Variants in CDH13 observed in about 807,000 individuals in gnomAD.
The protein encoded by CDH13 is cadherin 13.
CDH13 carries 24 observed loss-of-function variants against 63.8 expected under a neutral mutation model. That is an observed-to-expected ratio of 0.38 (90% CI 0.27 to 0.53). The LOEUF is 0.53. Ranked by LOEUF, CDH13 falls within the 20% of genes least tolerant of loss-of-function variation. The probability of loss-of-function intolerance (pLI) is 0.85; values close to 1 mark genes in which losing one functional copy is unlikely to be tolerated. For synonymous variants in CDH13, 503 were observed against 355.3 expected (o/e 1.42, Z -4.67); for missense variants, 1,049 against 903.1 (o/e 1.16, Z -2.07).
At chr16:83,794,940 C>T in intron 13 of CDH13, 83 bp from the exon 14 acceptor site, 3 of 1,278,572 alleles carry the variant, frequency 2.3e-6, no homozygotes, top group Non-Finnish European at 3.3e-6. Context: ...TATACCTTGC[C>T]TGTCATTTTT....
intron 6 of CDH13, among the ~76,000 whole-genome samples, chr16:83,396,425 C>G (rs1276727345): frequency 6.6e-6 from 1 of 152,176 alleles, no homozygotes. Flanking sequence ...CCTCTCACTT[C>G]CAGGAGATTT....
chr16:83,563,690 A>C (rs1362881974), intron 7 of CDH13, among the ~76,000 whole-genome samples: 2 of 152,160 alleles, frequency 1.3e-5, no homozygotes, highest in Non-Finnish European at 2.9e-5. Flanking sequence ...TGTTTGTGTA[A>C]GAACACATAC....
intron 3 of CDH13, among the ~76,000 whole-genome samples, chr16:83,095,900 G>A (rs780089742): frequency 1.4e-4 from 22 of 152,306 alleles, no homozygotes; most frequent in South Asian, 6.2e-4. Flanking sequence ...ATATTCGTAA[G>A]TACAGAGAAA....
intron 3 of CDH13, among the ~76,000 whole-genome samples, chr16:83,093,764 G>A (rs1567822893): frequency 6.6e-6 from 1 of 152,244 alleles, no homozygotes; most frequent in East Asian, 1.9e-4. Flanking sequence ...CTTTGTCCAA[G>A]GAATTCTTCC....
intron 2 of CDH13, among the ~76,000 whole-genome samples, chr16:82,903,199 G>A (rs2041526541): frequency 6.6e-6 from 1 of 152,176 alleles, no homozygotes; most frequent in Non-Finnish European, 1.5e-5. Context: ...ATTCAAACAT[G>A]GTGTCAGAAA....
At chr16:82,878,081 A>G (rs2040568545) in intron 2 of CDH13, among the ~76,000 whole-genome samples, 1 of 152,078 alleles carries the variant, frequency 6.6e-6, no homozygotes, top group Admixed American at 6.6e-5. Flanking sequence ...GTCTTCCCAT[A>G]TCATAATGGC....
intron 6 of CDH13, among the ~76,000 whole-genome samples, chr16:83,391,141 A>G (rs939565072): frequency 3.3e-5 from 5 of 152,046 alleles, no homozygotes; most frequent in South Asian, 2.1e-4. Context: ...TGAGAGGCCA[A>G]TAAGTATCTG....
At chr16:82,751,340 C>G (rs1286445635) in intron 1 of CDH13, among the ~76,000 whole-genome samples, 3 of 152,064 alleles carry the variant, frequency 2.0e-5, no homozygotes, top group Admixed American at 2.0e-4. Flanking sequence ...AAATGAAGCC[C>G]AAAGGAACAA....
intron 3 of CDH13, among the ~76,000 whole-genome samples, chr16:83,083,254 TG>T (rs1283905581): frequency 6.6e-6 from 1 of 152,222 alleles, no homozygotes; most frequent in Admixed American, 6.5e-5. Flanking sequence ...GCCCAACTGG[TG>T]TTTTTATGTG....
chr16:83,611,917 C>G (rs1317848807), intron 8 of CDH13, among the ~76,000 whole-genome samples: 1 of 152,054 alleles, frequency 6.6e-6, no homozygotes, highest in East Asian at 1.9e-4. Context: ...TTTGCTGAGA[C>G]TTGCTTTACA....
intron 6 of CDH13, among the ~76,000 whole-genome samples, chr16:83,423,997 G>C (rs1013957550): frequency 1.1e-4 from 17 of 152,266 alleles, no homozygotes; most frequent in African/African-American, 3.8e-4. Context: ...CAGTCTAGAA[G>C]AGGGAAATCC....
chr16:83,008,530 G>A (rs1482061686), intron 2 of CDH13, among the ~76,000 whole-genome samples: 3 of 152,222 alleles, frequency 2.0e-5, no homozygotes, highest in Admixed American at 6.5e-5. Flanking sequence ...ATGTTATGGA[G>A]AAGGCTGTAG....
At chr16:83,413,943 G>C (rs960859863) in intron 6 of CDH13, among the ~76,000 whole-genome samples, 2 of 152,110 alleles carry the variant, frequency 1.3e-5, no homozygotes, top group Admixed American at 6.5e-5. Context: ...AGTAAGCTGA[G>C]ATCACTCACC....
At position 83,112,194 on chromosome 16, in the gene CDH13, C is replaced by T. The variant is rs550370322; in HGVS notation, c.367-13191C>T. ...TTAATTTTTCTTTCATTTATTCACA[C>T]ATGCAACCATTGTGTATTTGGTCTA... is the stretch of plus-strand genomic sequence containing the variant. On this transcript the variant is annotated intron_variant, in intron 3 of 13. Coordinates refer to ENST00000567109, the MANE Select transcript of CDH13 (RefSeq NM_001257.5). Among the ~76,000 whole-genome samples, 7 of 152,358 alleles carry T rather than the reference C, an allele frequency of 4.6e-5. No homozygotes were observed. In the East Asian group the frequency reaches 1.3e-3, roughly 29 times the overall value.
chr16:83,010,152 A>AAAAAAAAAC (rs1913987643), intron 2 of CDH13, among the ~76,000 whole-genome samples: 3 of 149,058 alleles, frequency 2.0e-5, no homozygotes, highest in Non-Finnish European at 3.0e-5. Context: ...AAAAAAAAAA[A>AAAAAAAAAC]AAAAAAAAAA....
intron 7 of CDH13, among the ~76,000 whole-genome samples, chr16:83,524,445 C>CTTTTTTTTTTTTTT (rs150233410): frequency 3.4e-5 from 2 of 59,278 alleles, no homozygotes; most frequent in Non-Finnish European, 5.8e-5. Context: ...TTTCTTTTTT[C>CTTTTTTTTTTTTTT]TTTTTTTTTT....
chr16:82,723,578 C>T (rs1366424864), intron 1 of CDH13, among the ~76,000 whole-genome samples: 1 of 152,106 alleles, frequency 6.6e-6, no homozygotes, highest in African/African-American at 2.4e-5. Flanking sequence ...TGGTGGGGGA[C>T]AGTGGAGCCA....
intron 2 of CDH13, among the ~76,000 whole-genome samples, chr16:83,016,559 G>C (rs1319765989): frequency 1.3e-5 from 2 of 152,190 alleles, no homozygotes; most frequent in Non-Finnish European, 2.9e-5. Context: ...GCCTTCTGCA[G>C]TCTGCTGCAG....
At chr16:82,899,699 G>A (rs1237640720) in intron 2 of CDH13, among the ~76,000 whole-genome samples, 1 of 152,108 alleles carries the variant, frequency 6.6e-6, no homozygotes, top group African/African-American at 2.4e-5. Context: ...ATGCAGTGAA[G>A]CACCTCTGCA....
Sources: allele counts gnomAD v4.1 joint callset (sites outside exome capture counted in the v4.1 genomes callset), GRCh38; gene constraint gnomAD v4.1.1; transcripts MANE v1.5; gene names NCBI Gene and HGNC (gene_info 2026-07-23, HGNC 2026-07-21).